The following GRIK1 variants were observed in gnomAD, a reference collection of about 807,000 sequenced individuals.
The protein encoded by GRIK1 is glutamate receptor ionotropic, kainate 1.
In GRIK1, 69 loss-of-function variants were observed where a neutral mutation model predicts 105.7. The ratio of observed to expected loss-of-function variants is 0.65; its 90% CI spans 0.54 to 0.80. The LOEUF (loss-of-function observed/expected upper bound fraction) is 0.80. Among genes scored for constraint, GRIK1 ranks in the 30% least tolerant of loss-of-function variants. The pLI is 0.00. For synonymous variants in GRIK1, 438 were observed against 431.3 expected (o/e 1.02, Z -0.19); for missense variants, 1,109 against 1,167.3 (o/e 0.95, Z 0.73).
At chr21:29,747,477 A>T (rs964598784) in intron 1 of GRIK1, among the ~76,000 whole-genome samples, 2 of 152,068 alleles carry the variant, frequency 1.3e-5, no homozygotes, top group Non-Finnish European at 2.9e-5. Flanking sequence ...CCCTGAGAAG[A>T]GGCGAAGGCA....
chr21:29,608,796 G>A (rs914706109), intron 7 of GRIK1, among the ~76,000 whole-genome samples: 1 of 152,090 alleles, frequency 6.6e-6, no homozygotes, highest in African/African-American at 2.4e-5. Flanking sequence ...TAACCTATTG[G>A]CACTTCAAAC....
chr21:29,745,757 A>G (rs1193325154), intron 1 of GRIK1, among the ~76,000 whole-genome samples: 1 of 152,202 alleles, frequency 6.6e-6, no homozygotes, highest in Non-Finnish European at 1.5e-5. Context: ...AAAATATTGT[A>G]TGGTAAATTA....
chr21:29,908,372 T>C (rs1240957132), intron 1 of GRIK1, among the ~76,000 whole-genome samples: 1 of 152,160 alleles, frequency 6.6e-6, no homozygotes, highest in African/African-American at 2.4e-5. Flanking sequence ...ATCCCCATTT[T>C]CTATCTCATC....
intron 3 of GRIK1, among the ~76,000 whole-genome samples, chr21:29,678,332 T>A (rs1461300163): frequency 2.0e-5 from 3 of 152,182 alleles, no homozygotes; most frequent in African/African-American, 7.2e-5. Flanking sequence ...CAGATCTTCA[T>A]ACATAGCGTT....
At chr21:29,911,622 G>C (rs948768478) in intron 1 of GRIK1, among the ~76,000 whole-genome samples, 1 of 152,036 alleles carries the variant, frequency 6.6e-6, no homozygotes, top group Non-Finnish European at 1.5e-5. Flanking sequence ...ACTGGTAGGC[G>C]GGGCCTTTGG....
intron 1 of GRIK1, among the ~76,000 whole-genome samples, chr21:29,864,342 C>G (rs114561043): frequency 6.7e-6 from 1 of 150,096 alleles, no homozygotes; most frequent in Admixed American, 6.6e-5. Flanking sequence ...TCCTCTCTCT[C>G]TGTCTCATTC....
chr21:29,897,397 A>G (rs768544236), intron 1 of GRIK1, among the ~76,000 whole-genome samples: 25 of 152,232 alleles, frequency 1.6e-4, no homozygotes, highest in Non-Finnish European at 3.2e-4. Flanking sequence ...CAGAGAATTC[A>G]ATTATATAAC....
At chr21:29,539,261 A>C (rs1407426593) in intron 16 of GRIK1, among the ~76,000 whole-genome samples, 1 of 152,206 alleles carries the variant, frequency 6.6e-6, no homozygotes, top group African/African-American at 2.4e-5. Flanking sequence ...ATGTATGCTG[A>C]AGATATTAAG....
At chr21:29,816,870 T>C (rs572776666) in intron 1 of GRIK1, among the ~76,000 whole-genome samples, 2 of 152,236 alleles carry the variant, frequency 1.3e-5, no homozygotes, top group East Asian at 3.9e-4. Flanking sequence ...TAGTGTTTGA[T>C]AGCAGAGTAG....
At chr21:29,811,527 T>C (rs773076901) in intron 1 of GRIK1, among the ~76,000 whole-genome samples, 8 of 152,126 alleles carry the variant, frequency 5.3e-5, no homozygotes, top group Non-Finnish European at 7.4e-5. Context: ...GTCTACTCTG[T>C]CCTCCCTTCT....
intron 1 of GRIK1, among the ~76,000 whole-genome samples, chr21:29,834,096 G>A (rs952583754): frequency 4.1e-4 from 62 of 152,080 alleles, no homozygotes; most frequent in Admixed American, 1.3e-3. Flanking sequence ...ATTGAAGAAA[G>A]AAGTGAATGA....
chr21:29,560,364 TCTTCCTTCCTTC>T (rs376778152), intron 15 of GRIK1, among the ~76,000 whole-genome samples: 824 of 35,646 alleles, frequency 0.023, 68 homozygotes, highest in Middle Eastern at 0.03. Context: ...TCTTTTTCTT[TCTTCCTTCCTTC>T]CTTCCTTCCT....
chr21:29,559,715 A>G (rs1030768949), intron 15 of GRIK1, among the ~76,000 whole-genome samples: 1 of 152,256 alleles, frequency 6.6e-6, no homozygotes, highest in African/African-American at 2.4e-5. Context: ...TTATATTCAT[A>G]TTAATTAAAA....
chr21:29,580,132 C>CACATAT (rs200678872), intron 13 of GRIK1, among the ~76,000 whole-genome samples: 2,195 of 141,854 alleles, frequency 0.015, 60 homozygotes, highest in African/African-American at 0.055. Flanking sequence ...CATATACACA[C>CACATAT]ATATATATAC....
rs1418655476 is a variant in GRIK1 at position 29,869,225 on chromosome 21, C to A, written c.118+70158G>T. On this transcript the variant is annotated intron_variant, in intron 1 of 17. Transcript: ENST00000327783. ...AATATTTTTACTGGTCTTTATTTTT[C>A]TTTATATCCATTTTTATGGAGCATA... Among the ~76,000 whole-genome samples, 3 of 152,120 alleles carry A rather than the reference C, an allele frequency of 2.0e-5. No homozygotes were observed. The East Asian group carries it at 5.8e-4, about 29-fold the overall frequency.
intron 1 of GRIK1, among the ~76,000 whole-genome samples, chr21:29,922,855 A>T (rs142756784): frequency 3.1e-4 from 47 of 152,290 alleles, no homozygotes; most frequent in Admixed American, 1.4e-3. Flanking sequence ...ACAGAATTGC[A>T]GAACCTGTTT....
intron 1 of GRIK1, among the ~76,000 whole-genome samples, chr21:29,712,078 A>C (rs1417071245): frequency 2.8e-5 from 3 of 108,408 alleles, no homozygotes. Flanking sequence ...ATATGTATAC[A>C]TACATACACA....
chr21:29,794,968 T>C (rs543425187), intron 1 of GRIK1, among the ~76,000 whole-genome samples: 2 of 150,438 alleles, frequency 1.3e-5, no homozygotes, highest in African/African-American at 2.4e-5. Context: ...GCAAACAGAA[T>C]GTAAGGTCAC....
At chr21:29,575,419 A>G (rs2090866642) in intron 14 of GRIK1, among the ~76,000 whole-genome samples, 1 of 152,194 alleles carries the variant, frequency 6.6e-6, no homozygotes, top group African/African-American at 2.4e-5. Flanking sequence ...CCATCTAACA[A>G]AATGCAACTT....
Sources: allele counts gnomAD v4.1 joint callset (sites outside exome capture counted in the v4.1 genomes callset), GRCh38; gene constraint gnomAD v4.1.1; transcripts MANE v1.5; gene names NCBI Gene and HGNC (gene_info 2026-07-23, HGNC 2026-07-21).